Variants in OGN observed in about 807,000 individuals in gnomAD.
OGN encodes mimecan.
OGN carries 19 observed loss-of-function variants against 30.8 expected under a neutral mutation model. That is an observed-to-expected ratio of 0.62 (90% CI 0.43 to 0.90). The LOEUF (loss-of-function observed/expected upper bound fraction) is 0.90. Ranked by LOEUF, OGN falls within the 40% of genes least tolerant of loss-of-function variation. OGN has a pLI of 0.00. For synonymous variants in OGN, 126 were observed against 128.3 expected, an observed-to-expected ratio of 0.98 and a Z score of 0.12; for missense variants, 283 against 349.7, an observed-to-expected ratio of 0.81 and a Z score of 1.52.
chr9:92,386,086 G>T, intron 6 of OGN, 115 bp downstream of exon 6: 2 of 747,424 alleles, frequency 2.7e-6, no homozygotes, highest in Non-Finnish European at 4.6e-6. Flanking sequence ...TAGCTATCAC[G>T]CTACTACAGT....
In OGN at chr9:92,389,980, C is replaced by T. The variant is rs199604965; in HGVS notation, c.504G>A (p.Leu168=). ...TTTCAGCAAGTGAAAGTTCTTCTAA[C>T]AGAGAAAGTTTTGAAAAAGTACCAT... ...IEDGTFSKLS[L]LEELSLAENQ... is the part of the protein sequence containing the mutation. The change falls in exon 5 of 7, where the codon CTG becomes CTA. Residue 168 remains leucine (L), a synonymous_variant. Coordinates refer to ENST00000375561, the MANE Select transcript of OGN (RefSeq NM_014057.5). The T allele has an allele frequency of 1.2e-6, 2 of 1,610,912 alleles. No homozygotes were observed. Among genetic ancestry groups the T allele is most frequent in the East Asian group, 2.2e-5 (1 of 44,734 alleles).
chr9:92,392,453 C>G (rs1842725060), intron 4 of OGN, among the ~76,000 whole-genome samples: 1 of 152,106 alleles, frequency 6.6e-6, no homozygotes, highest in South Asian at 2.1e-4. Context: ...GAAACCCCAT[C>G]TCTACTAAAA....
At chr9:92,390,403 T>A (rs1032390723) in intron 4 of OGN, among the ~76,000 whole-genome samples, 1 of 152,258 alleles carries the variant, frequency 6.6e-6, no homozygotes, top group African/African-American at 2.4e-5. Flanking sequence ...TACATTTGAT[T>A]GGAATCATGT....
intron 5 of OGN, among the ~76,000 whole-genome samples, chr9:92,387,035 G>A (rs899480734): frequency 3.6e-5 from 5 of 139,802 alleles, no homozygotes; most frequent in East Asian, 2.2e-4. Context: ...GCAACAGAGC[G>A]AGACTCTGTC....
intron 4 of OGN, among the ~76,000 whole-genome samples, chr9:92,392,529 C>G (rs539355909): frequency 6.6e-6 from 1 of 151,836 alleles, no homozygotes; most frequent in East Asian, 1.9e-4. Flanking sequence ...ACAGGAGAGC[C>G]ACTTAAACCT....
chr9:92,401,607 C>T (rs568475130), intron 2 of OGN, among the ~76,000 whole-genome samples: 1 of 152,252 alleles, frequency 6.6e-6, no homozygotes, highest in East Asian at 1.9e-4. Context: ...ACTAGAGCTC[C>T]AGCCATGTCA....
At chr9:92,398,157 C>T (rs1370811674) in intron 3 of OGN, among the ~76,000 whole-genome samples, 2 of 152,086 alleles carry the variant, frequency 1.3e-5, no homozygotes, top group Non-Finnish European at 2.9e-5. Flanking sequence ...GTTTATAGTT[C>T]TTTTTTGTCC....
rs2130874261 is a variant in OGN at position 92,383,657 on chromosome 9, T to C, written c.*1963A>G. Among the ~76,000 whole-genome samples the C allele has an allele frequency of 6.6e-6, 1 of 152,276 alleles. No individual in the cohort carries two copies. The highest frequency in any genetic ancestry group is 2.1e-4 in the South Asian group (1 of 4,818). On this transcript the variant is annotated 3_prime_UTR_variant, in exon 7 of 7. Transcript: ENST00000375561. Reference sequence around the variant, plus strand: ...ATTTTGTTTTATTTGTGATTTAAGGTTGTGTATATGAAGGTGTAAGGTATG... The same window carrying C: ...ATTTTGTTTTATTTGTGATTTAAGGCTGTGTATATGAAGGTGTAAGGTATG...
chr9:92,404,689 T>G, upstream of OGN: 2 of 1,240,368 alleles, frequency 1.6e-6, no homozygotes, highest in Non-Finnish European at 2.1e-6. Context: ...TTCTCTAGGG[T>G]GAAATGCAGT....
At chr9:92,403,632 C>G (rs1843209742) in intron 1 of OGN, 150 bp from the exon 2 acceptor site, 1 of 1,186,928 alleles carries the variant, frequency 8.4e-7, no homozygotes, top group Admixed American at 4.4e-5. Flanking sequence ...AGTGAACATT[C>G]TGAAAAATAG....
At chr9:92,397,316 G>A (rs1842930977) in intron 3 of OGN, among the ~76,000 whole-genome samples, 1 of 152,008 alleles carries the variant, frequency 6.6e-6, no homozygotes, top group African/African-American at 2.4e-5. Context: ...GAAAGCACTG[G>A]GGGTTTTTTT....
Position 92,389,936 on chromosome 9 carries a change from G to A in OGN, c.548C>T (p.Pro183Leu). 6.2e-7 allele frequency: 1 copy of A among 1,612,926 alleles called. No homozygotes were observed. Among genetic ancestry groups the A allele is most frequent in the South Asian group, 1.1e-5 (1 of 91,018 alleles). Residue 183 changes from proline to leucine, a missense_variant, in exon 5 of 7, where the codon CCA becomes CTA. Pro to Leu is a moderately conservative substitution (Grantham distance 98). Transcript: ENST00000375561. ...SLAENQLLKL[P>L]VLPPKLTLFN... ...TAAAGTGAGCTTGGGAGGAAGAACT[G>A]GAAGTTTTAGTAGTTGATTTTCAGC...
rs1843202948 is a variant in OGN at position 92,403,464 on chromosome 9, G to C, written c.-57C>G. The stretch of plus-strand genomic sequence containing the variant: ...TAAACTAGTGGCCTGCTGACTGTGG[G>C]ACAAAACTCTCTTTTTCCCTGGAAA... On this transcript the variant is annotated 5_prime_UTR_variant, in exon 2 of 7. Coordinates refer to ENST00000375561, the MANE Select transcript of OGN (RefSeq NM_014057.5). The C allele has an allele frequency of 6.5e-7, 1 of 1,532,886 alleles. No individual in the cohort carries two copies. Among genetic ancestry groups the C allele is most frequent in the Admixed American group, 2.2e-5 (1 of 45,390 alleles). The allele number at this position is 1,532,886 out of a possible 1,614,324, so 95.0% of individuals were successfully genotyped here. A position where few individuals can be genotyped will look rare whatever the true frequency, so the allele number is the denominator to read the frequency against.
At chr9:92,401,025 C>T (rs1168917143) in intron 3 of OGN, 67 bp downstream of exon 3, 1 of 758,734 alleles carries the variant, frequency 1.3e-6, no homozygotes, top group Non-Finnish European at 2.3e-6. Context: ...TTGATTACCA[C>T]AAGGAATAAA....
intron 5 of OGN, chr9:92,389,574 G>A (rs1842582737): frequency 4.1e-6 from 1 of 241,662 alleles, no homozygotes; most frequent in African/African-American, 2.2e-5. Flanking sequence ...GGCCAACCAT[G>A]TCTGTCTAAA....
Position 92,391,474 on chromosome 9 carries a change from CTG to C in OGN, c.428-1420_428-1419del, listed in dbSNP as rs1226305971. Among the ~76,000 whole-genome samples, 85 of 152,010 alleles carry C rather than the reference CTG, an allele frequency of 5.6e-4. 1 individual carries two copies. The highest frequency in any genetic ancestry group is 1.7e-3 in the African/African-American group (71 of 41,474). On this transcript the variant is annotated intron_variant, in intron 4 of 6. Coordinates refer to ENST00000375561, the MANE Select transcript of OGN (RefSeq NM_014057.5). ...AGTAACCAGGTGTGGTGGCACATGC[CTG>C]TAGTCTCAGCTACTTGCGAGACTGA... is the stretch of plus-strand genomic sequence containing the variant.
intron 3 of OGN, among the ~76,000 whole-genome samples, chr9:92,395,306 T>C (rs1404794550): frequency 1.3e-5 from 2 of 152,206 alleles, no homozygotes; most frequent in Non-Finnish European, 2.9e-5. Context: ...TCTACTTCCT[T>C]TTCTGGCTTC....
intron 3 of OGN, among the ~76,000 whole-genome samples, chr9:92,397,396 C>G (rs910843675): frequency 6.6e-6 from 1 of 152,100 alleles, no homozygotes; most frequent in African/African-American, 2.4e-5. Flanking sequence ...GGTGCCATCT[C>G]GTCTCACTGC....
In OGN at chr9:92,390,061, A is replaced by G; in HGVS notation, c.428-5T>C. The G allele has an allele frequency of 1.3e-6, 2 of 1,521,978 alleles. No homozygotes were observed. The highest frequency in any genetic ancestry group is 1.8e-6 in the Non-Finnish European group (2 of 1,113,322). The allele number at this position is 1,521,978 out of a possible 1,614,324, so 94.3% of individuals were successfully genotyped here. ...AATCGAGTCTTCTTAAGTTAGCTAG[A>G]GGGAAAAAAATATAAAAAACAACTA... On this transcript the variant is annotated splice_polypyrimidine_tract_variant and splice_region_variant and intron_variant, in intron 4 of 6. Transcript: ENST00000375561.
Sources: allele counts gnomAD v4.1 joint callset (sites outside exome capture counted in the v4.1 genomes callset), GRCh38; gene constraint gnomAD v4.1.1; transcripts MANE v1.5; gene names NCBI Gene and HGNC (gene_info 2026-07-23, HGNC 2026-07-21).